The following SGCZ variants were observed in gnomAD, a reference collection of about 807,000 sequenced individuals.
SGCZ encodes the protein zeta-sarcoglycan.
SGCZ carries 40 observed loss-of-function variants against 41.3 expected under a neutral mutation model. The observed-to-expected ratio is 0.97, with a 90% CI of 0.75 to 1.26. The LOEUF is 1.26. Ranked by LOEUF, SGCZ falls within the 50% of genes most tolerant of loss-of-function variation. The pLI is 0.00. For synonymous variants in SGCZ, 206 were observed against 137.5 expected, an observed-to-expected ratio of 1.50 and a Z score of -3.49; for missense variants, 552 against 369.8, an observed-to-expected ratio of 1.49 and a Z score of -4.04.
intron 1 of SGCZ, among the ~76,000 whole-genome samples, chr8:15,147,984 A>G (rs550011435): frequency 4.7e-4 from 72 of 152,304 alleles, no homozygotes; most frequent in African/African-American, 1.6e-3. Flanking sequence ...CTAAGTAGGT[A>G]AACCTAAACT....
chr8:14,738,634 T>G (rs914435274), intron 1 of SGCZ, among the ~76,000 whole-genome samples: 7 of 152,074 alleles, frequency 4.6e-5, no homozygotes, highest in Non-Finnish European at 1.0e-4. Flanking sequence ...TTTACATGAC[T>G]TTCTAAAGCC....
chr8:14,972,834 TAA>T (rs1381620534), intron 1 of SGCZ, among the ~76,000 whole-genome samples: 2 of 152,188 alleles, frequency 1.3e-5, no homozygotes, highest in African/African-American at 2.4e-5. Context: ...AAACATGCTA[TAA>T]ATTCTACTCT....
chr8:14,969,021 C>G (rs1355915713), intron 1 of SGCZ, among the ~76,000 whole-genome samples: 2 of 152,012 alleles, frequency 1.3e-5, no homozygotes, highest in Non-Finnish European at 2.9e-5. Flanking sequence ...CATCATTGTG[C>G]TACTAATACT....
At chr8:14,460,302 A>G (rs151242191) in intron 2 of SGCZ, among the ~76,000 whole-genome samples, 1 of 152,344 alleles carries the variant, frequency 6.6e-6, no homozygotes, top group African/African-American at 2.4e-5. Context: ...TAAAAGAGTT[A>G]TTCATCCATG....
rs548782124 is a variant in SGCZ, at chr8:14,085,843, A to G, written c.*4600T>C. Among the ~76,000 whole-genome samples, 44 of 151,944 alleles carry G rather than the reference A, an allele frequency of 2.9e-4. No individual in the cohort carries two copies. The highest frequency in any genetic ancestry group is 5.9e-4 in the Non-Finnish European group (40 of 67,810). On this transcript the variant is annotated 3_prime_UTR_variant, in exon 8 of 8. Transcript: ENST00000382080. ...ATGTTTACTACCTCATGTTATAATT[A>G]TAAGCCCCCCTATTCATTTGAATAA... is the stretch of plus-strand genomic sequence containing the variant.
At chr8:14,894,561 T>C (rs1805125696) in intron 1 of SGCZ, among the ~76,000 whole-genome samples, 1 of 152,130 alleles carries the variant, frequency 6.6e-6, no homozygotes, top group Admixed American at 6.5e-5. Flanking sequence ...TATCTTTGCT[T>C]CAGATGATCA....
intron 1 of SGCZ, among the ~76,000 whole-genome samples, chr8:15,099,440 CT>C (rs1323130061): frequency 1.3e-5 from 2 of 152,112 alleles, no homozygotes; most frequent in African/African-American, 4.8e-5. Context: ...GGAATACATC[CT>C]TTGAATAAAG....
At position 14,324,099 on chromosome 8, in the gene SGCZ, A is replaced by G. The variant is rs764097175; in HGVS notation, c.336+4T>C. ...TAGAGTAAGCCAAAGCCAGTATCAC[A>G]TACCTTTCGAGAATGAATTTCTTTC... On this transcript the variant is annotated splice_donor_region_variant and intron_variant, in intron 3 of 7. Transcript: ENST00000382080. The G allele has an allele frequency of 1.2e-6, 2 of 1,601,494 alleles. No individual in the cohort carries two copies. Among genetic ancestry groups the G allele is most frequent in the South Asian group, 1.1e-5 (1 of 90,868 alleles).
At chr8:14,094,834 G>A (rs546571123) in intron 7 of SGCZ, among the ~76,000 whole-genome samples, 1 of 152,086 alleles carries the variant, frequency 6.6e-6, no homozygotes, top group Non-Finnish European at 1.5e-5. Context: ...CATTCTAACT[G>A]GCGTGAGATG....
At chr8:14,350,571 G>A (rs529483453) in intron 2 of SGCZ, among the ~76,000 whole-genome samples, 8 of 151,984 alleles carry the variant, frequency 5.3e-5, no homozygotes, top group South Asian at 2.1e-4. Context: ...CCCAGTGACC[G>A]GTACATACAG....
intron 2 of SGCZ, among the ~76,000 whole-genome samples, chr8:14,325,883 C>A (rs563565995): frequency 5.8e-4 from 85 of 146,162 alleles, no homozygotes; most frequent in Non-Finnish European, 9.5e-4. Flanking sequence ...AACGTAGAGG[C>A]GGGCGGATCA....
intron 2 of SGCZ, among the ~76,000 whole-genome samples, chr8:14,389,016 G>C (rs1002115427): frequency 1.3e-5 from 2 of 151,572 alleles, no homozygotes; most frequent in African/African-American, 4.8e-5. Flanking sequence ...ATAAATAAAA[G>C]ACACTATGAG....
At chr8:14,505,884 T>A (rs1203654547) in intron 2 of SGCZ, among the ~76,000 whole-genome samples, 1 of 152,168 alleles carries the variant, frequency 6.6e-6, no homozygotes, top group African/African-American at 2.4e-5. Flanking sequence ...AATCTGTGTT[T>A]TAGCAAGCTC....
At chr8:14,147,635 T>C (rs1489502802) in intron 5 of SGCZ, among the ~76,000 whole-genome samples, 1 of 152,146 alleles carries the variant, frequency 6.6e-6, no homozygotes, top group Non-Finnish European at 1.5e-5. Flanking sequence ...ACACCCCACT[T>C]TCAGCATTGG....
intron 5 of SGCZ, among the ~76,000 whole-genome samples, chr8:14,136,346 G>A (rs371770020): frequency 1.8e-4 from 28 of 152,276 alleles, no homozygotes; most frequent in Middle Eastern, 6.8e-3. Flanking sequence ...GCAGGGTGGG[G>A]CATCACCTTA....
intron 4 of SGCZ, among the ~76,000 whole-genome samples, chr8:14,189,120 A>T (rs1276844482): frequency 1.3e-5 from 2 of 151,178 alleles, no homozygotes; most frequent in African/African-American, 4.9e-5. Flanking sequence ...CAGCCTCCCA[A>T]CGTGCTGGGA....
intron 1 of SGCZ, among the ~76,000 whole-genome samples, chr8:14,776,258 A>G (rs1800397931): frequency 6.6e-6 from 1 of 152,144 alleles, no homozygotes; most frequent in Non-Finnish European, 1.5e-5. Context: ...GGCCACATGG[A>G]GAATAAGTGA....
intron 2 of SGCZ, among the ~76,000 whole-genome samples, chr8:14,347,482 T>G (rs1402679373): frequency 6.6e-6 from 1 of 152,134 alleles, no homozygotes; most frequent in Admixed American, 6.5e-5. Flanking sequence ...ACTTTTCTTT[T>G]CACATAATAG....
intron 5 of SGCZ, among the ~76,000 whole-genome samples, chr8:14,146,554 T>C (rs1385383961): frequency 6.6e-6 from 1 of 152,122 alleles, no homozygotes; most frequent in Non-Finnish European, 1.5e-5. Context: ...ATTATAACAC[T>C]GTAACAGTGG....
Sources: allele counts gnomAD v4.1 joint callset (sites outside exome capture counted in the v4.1 genomes callset), GRCh38; gene constraint gnomAD v4.1.1; transcripts MANE v1.5; gene names NCBI Gene and HGNC (gene_info 2026-07-23, HGNC 2026-07-21).